Variants in KNDC1 observed in about 807,000 individuals in gnomAD.
The protein encoded by KNDC1 is kinase non-catalytic C-lobe domain containing 1.
Under a neutral mutation model 172.8 loss-of-function variants are expected in KNDC1, and 106 were observed. That is an observed-to-expected ratio of 0.61 (90% confidence interval 0.52 to 0.72). KNDC1 has a LOEUF of 0.72. Among genes scored for constraint, KNDC1 ranks in the 30% least tolerant of loss-of-function variants. KNDC1 has a pLI of 0.00. For missense variants in KNDC1, 2,325 were observed against 2,394.5 expected (o/e 0.97, Z 0.61); for synonymous variants, 1,083 against 1,062.2 (o/e 1.02, Z -0.38).
rs35600165 is a variant in KNDC1, at chr10:133,218,059, CA to C, written c.4678-755del. Among the ~76,000 whole-genome samples the C allele has an allele frequency of 6.4e-3, 648 of 100,540 alleles. 14 individuals carry two copies. The highest frequency in any genetic ancestry group is 0.043 in the East Asian group (151 of 3,552). 66.0% of individuals were successfully genotyped at this position (100,540 alleles called of 152,430 possible). A position where few individuals can be genotyped will look rare whatever the true frequency, so the allele number is the denominator to read the frequency against. Reference sequence around the variant, plus strand: ...TGGGCCACAGAGCAAGACTCCATCTCAAAAAAAAAAAAAAAAAGAGTCGATC... The same window carrying C: ...TGGGCCACAGAGCAAGACTCCATCTCAAAAAAAAAAAAAAAAGAGTCGATC... On this transcript the variant is annotated intron_variant, in intron 26 of 29. Transcript: ENST00000304613.
chr10:133,206,892 G>A lies in KNDC1; in HGVS notation c.3518G>A (p.Gly1173Glu), dbSNP rs1845211319. Reference protein sequence around the residue: ...DVKTMLSKLKGQLEEMKSRVQ... With the variant: ...DVKTMLSKLKEQLEEMKSRVQ... ...AAGACCATGCTGTCCAAGCTGAAAG[G>A]GCAGCTAGAAGAAATGAAATCCAGG... The change falls in exon 19 of 30, where the codon GGG (glycine) becomes GAG (glutamate). Residue 1173 changes from glycine (G) to glutamate (E), a missense_variant. By Grantham distance (98) the Gly-to-Glu change is moderately conservative. Coordinates refer to ENST00000304613, the MANE Select transcript of KNDC1 (RefSeq NM_152643.8). 1 of 1,614,024 alleles carries A rather than the reference G, an allele frequency of 6.2e-7. No homozygotes were observed. The highest frequency in any genetic ancestry group is 1.3e-5 in the African/African-American group (1 of 74,948).
rs77536023 is a variant in KNDC1 at position 133,212,292 on chromosome 10, C to T, written c.4237-424C>T. On this transcript the variant is annotated intron_variant, in intron 23 of 29. Coordinates refer to ENST00000304613, the MANE Select transcript of KNDC1 (RefSeq NM_152643.8). ...ACCCGCACACGCATCCACACACACA[C>T]GCATGCACCCTCACATCCACACGTG... Among the ~76,000 whole-genome samples the T allele has an allele frequency of 5.7e-4, 87 of 151,406 alleles. No homozygotes were observed. In the East Asian group the frequency reaches 0.015, roughly 26 times the overall value.
rs769573394 is a variant in KNDC1, at chr10:133,186,085, C to T, written c.737C>T (p.Pro246Leu). 3.4e-5 allele frequency: 54 copies of T among 1,599,606 alleles called. No individual in the cohort carries two copies. The highest frequency in any genetic ancestry group is 4.0e-5 in the African/African-American group (3 of 74,704). ...GAGGTTCTGCCGACCCCCGAAGGCC[C>T]GGAGTCTGAGACGAGCCGGGGCCCC... ...DPEVLPTPEG[P>L]ESETSRGPRA... is the part of the protein sequence containing the mutation. The change falls in exon 6 of 30, where the codon CCG (proline) becomes CTG (leucine). Residue 246 changes from proline to leucine, a missense_variant. Physicochemically the swap from Pro to Leu is moderately conservative, Grantham distance 98 (BLOSUM62 -3). Coordinates refer to ENST00000304613, the MANE Select transcript of KNDC1 (RefSeq NM_152643.8).
intron 29 of KNDC1, among the ~76,000 whole-genome samples, chr10:133,223,515 G>C (rs1314755605): frequency 1.6e-5 from 1 of 64,484 alleles, no homozygotes; most frequent in Non-Finnish European, 2.9e-5. Flanking sequence ...ATGTGTGTGA[G>C]AGCCCATCCA....
rs556198102 is a variant in KNDC1, at chr10:133,209,340, G to T, written c.3795-1271G>T. On this transcript the variant is annotated intron_variant, in intron 20 of 29. Transcript: ENST00000304613. The surrounding 1 kb of genome is among the most constrained non-coding windows in gnomAD (Gnocchi z 4.9). ...TGTGTGTGCACGTGTGTGCTGTGCG[G>T]TGTGGGGTATAGTGTGTGCACATGT... 2.0e-5 allele frequency among the ~76,000 whole-genome samples: 3 copies of T among 151,396 alleles called. No homozygotes were observed. The highest frequency in any genetic ancestry group is 4.9e-5 in the African/African-American group (2 of 41,140).
chr10:133,198,909 C>T lies in KNDC1; in HGVS notation c.2401C>T (p.Pro801Ser), dbSNP rs1284149495. The change falls in exon 14 of 30, where the codon CCG (proline) becomes TCG (serine). Residue 801 changes from proline to serine, a missense_variant. Transcript: ENST00000304613. ...GCCCGTAGAGCAAGGGCCGGCTGAG[C>T]CGATCCCACCTGGAGTTGCTTCCGG... Reference protein sequence around the residue: ...ALPVEQGPAEPIPPGVASGGL... With the variant: ...ALPVEQGPAESIPPGVASGGL... The T allele has an allele frequency of 1.3e-6, 2 of 1,583,304 alleles. No individual in the cohort carries two copies. The highest frequency in any genetic ancestry group is 8.6e-7 in the Non-Finnish European group (1 of 1,169,520).
At position 133,223,994 on chromosome 10, in the gene KNDC1, TGA is replaced by T. The variant is rs1192759813; in HGVS notation, c.5019-659_5019-658del. On this transcript the variant is annotated intron_variant, in intron 29 of 29. Transcript: ENST00000304613. ...TCTTCCCGGCGTGTGTGTGTGTGTGTGAGAGAGCCCATCCAGGCATGCTCTTC... is the reference window on the plus strand; with the variant it reads ...TCTTCCCGGCGTGTGTGTGTGTGTGTGAGAGCCCATCCAGGCATGCTCTTC... Among the ~76,000 whole-genome samples the T allele has an allele frequency of 5.4e-4, 71 of 130,392 alleles. 3 individuals are homozygous for T. In the East Asian group the frequency reaches 9.0e-3, roughly 17 times the overall value. 85.5% of individuals were successfully genotyped at this position (130,392 alleles called of 152,430 possible).
intron 10 of KNDC1, among the ~76,000 whole-genome samples, chr10:133,196,306 C>T (rs1007880999): frequency 2.7e-5 from 4 of 149,710 alleles, no homozygotes; most frequent in African/African-American, 4.9e-5. Flanking sequence ...TGGGTTCTAA[C>T]GTACTCCTGC....
Position 133,163,281 on chromosome 10 carries a change from A to T in KNDC1, c.102+2712A>T, listed in dbSNP as rs576235332. Among the ~76,000 whole-genome samples the T allele has an allele frequency of 6.6e-6, 1 of 152,172 alleles. No individual in the cohort carries two copies. The highest frequency in any genetic ancestry group is 1.5e-5 in the Non-Finnish European group (1 of 68,022). On this transcript the variant is annotated intron_variant, in intron 1 of 29. Coordinates refer to ENST00000304613, the MANE Select transcript of KNDC1 (RefSeq NM_152643.8). The surrounding 1 kb of genome is among the most constrained non-coding windows in gnomAD (Gnocchi z 4.4). ...GGGTCCCTGAGAGGCAGGCAGCACT[A>T]TCATCCCTCCCAGAGTTCAGCAACT...
At chr10:133,201,385 G>A (rs1854359273) in intron 16 of KNDC1, 116 bp from the exon 17 acceptor site, 2 of 1,162,702 alleles carry the variant, frequency 1.7e-6, no homozygotes, top group Non-Finnish European at 1.2e-6. Flanking sequence ...GTGGTGGGCG[G>A]GTGCAAGAGA....
intron 9 of KNDC1, among the ~76,000 whole-genome samples, chr10:133,190,442 G>A (rs1309480985): frequency 1.3e-5 from 2 of 152,164 alleles, no homozygotes; most frequent in African/African-American, 4.8e-5. Context: ...TGCACACTGT[G>A]CAAAAAACAA....
intron 3 of KNDC1, among the ~76,000 whole-genome samples, chr10:133,181,363 G>A (rs112117984): frequency 0.046 from 6,943 of 152,352 alleles, 213 homozygotes; most frequent in Non-Finnish European, 0.068. Flanking sequence ...GATGGCACAG[G>A]AGACCCCAGG....
intron 16 of KNDC1, among the ~76,000 whole-genome samples, chr10:133,200,719 G>A (rs953554875): frequency 1.3e-5 from 2 of 152,220 alleles, no homozygotes; most frequent in Non-Finnish European, 2.9e-5. Context: ...TCTTCTGGGG[G>A]CGAGCAGGAG....
chr10:133,225,980 G>A lies in KNDC1; in HGVS notation c.*1090G>A, dbSNP rs1845710798. On this transcript the variant is annotated 3_prime_UTR_variant, in exon 30 of 30. Transcript: ENST00000304613. Reference sequence around the variant, plus strand: ...GCCCCAGCTCCGTGGGGCTCTCACGGTGCCAATCACAAGACCCAGGGTTGT... The same window carrying A: ...GCCCCAGCTCCGTGGGGCTCTCACGATGCCAATCACAAGACCCAGGGTTGT... The A allele has an allele frequency of 6.6e-6, 1 of 152,278 alleles. No homozygotes were observed. Among genetic ancestry groups the A allele is most frequent in the South Asian group, 2.1e-4 (1 of 4,840 alleles). 9.4% of individuals were successfully genotyped at this position (152,278 alleles called of 1,614,324 possible). A position where few individuals can be genotyped will look rare whatever the true frequency, so the allele number is the denominator to read the frequency against.
chr10:133,181,834 CCACACACA>C (rs369062586), intron 3 of KNDC1, among the ~76,000 whole-genome samples: 1 of 138,794 alleles, frequency 7.2e-6, no homozygotes, highest in Non-Finnish European at 1.6e-5. Flanking sequence ...CCAGGACCGT[CCACACACA>C]CACACACACA....
At chr10:133,168,441 T>TG (rs1430355062) in intron 3 of KNDC1, 129 bp downstream of exon 3, 10 of 899,206 alleles carry the variant, frequency 1.1e-5, no homozygotes, top group Non-Finnish European at 1.6e-5. Flanking sequence ...GCGGAGCCGC[T>TG]GCTGCCCGGT....
In KNDC1 at chr10:133,224,613, G is replaced by A. The variant is rs376764973; in HGVS notation, c.5019-46G>A. 2.1e-5 allele frequency: 30 copies of A among 1,456,262 alleles called. No homozygotes were observed. The African/African-American group carries it at 2.2e-4, about 11-fold the overall frequency. The allele number at this position is 1,456,262 out of a possible 1,614,324, so 90.2% of individuals were successfully genotyped here. Reference sequence around the variant, plus strand: ...GGGACTCCCTCCCCACGGAAGCCGCGCCCCTGCCCTGTGCAAACTAACGTC... The same window carrying A: ...GGGACTCCCTCCCCACGGAAGCCGCACCCCTGCCCTGTGCAAACTAACGTC... On this transcript the variant is annotated intron_variant, in intron 29 of 29. Coordinates refer to ENST00000304613, the MANE Select transcript of KNDC1 (RefSeq NM_152643.8). This position sits in a 1 kb window ranked among gnomAD's most constrained non-coding sequence, Gnocchi z 5.4.
chr10:133,176,235 TTAGA>T (rs1326984644), intron 3 of KNDC1, among the ~76,000 whole-genome samples: 1 of 149,790 alleles, frequency 6.7e-6, no homozygotes, highest in Admixed American at 6.6e-5. Flanking sequence ...GGATATGTAG[TTAGA>T]TGGGTGGATG....
Position 133,202,090 on chromosome 10 carries a change from G to T in KNDC1, c.3387+192G>T, listed in dbSNP as rs1313105665. 4 of 729,458 alleles carry T rather than the reference G, an allele frequency of 5.5e-6. No homozygotes were observed. In the Admixed American group the frequency reaches 8.0e-5, roughly 15 times the overall value. The allele number at this position is 729,458 out of a possible 1,614,324, so 45.2% of individuals were successfully genotyped here. ...TCCCTGGGCTGAGCTCCACGTCTAG[G>T]GACAGGCTCGTCTGCACTGGTGCTC... On this transcript the variant is annotated intron_variant, in intron 17 of 29. Transcript: ENST00000304613.
Sources: allele counts gnomAD v4.1 joint callset (sites outside exome capture counted in the v4.1 genomes callset), GRCh38; gene constraint gnomAD v4.1.1; non-coding constraint Gnocchi (gnomAD v3.1); transcripts MANE v1.5; gene names NCBI Gene and HGNC (gene_info 2026-07-23, HGNC 2026-07-21).